The following PGPEP1 variants were observed in gnomAD, a reference collection of about 807,000 sequenced individuals.
PGPEP1 encodes pyroglutamyl-peptidase I, also known as pyroglutamyl-peptidase 1.
In PGPEP1, 15 loss-of-function variants were observed where a neutral mutation model predicts 24.1. The observed-to-expected ratio is 0.62, with a 90% CI of 0.42 to 0.96. The LOEUF (loss-of-function observed/expected upper bound fraction) is 0.96. Ranked by LOEUF, PGPEP1 falls within the 40% of genes least tolerant of loss-of-function variation. The probability of loss-of-function intolerance (pLI) is 0.00; values close to 1 mark genes in which losing one functional copy is unlikely to be tolerated. For missense variants in PGPEP1, 242 were observed against 273.4 expected (o/e 0.89, Z 0.81); for synonymous variants, 122 against 116.4 (o/e 1.05, Z -0.31).
chr19:18,348,250 C>T (rs1970916605), intron 2 of PGPEP1, among the ~76,000 whole-genome samples: 1 of 152,080 alleles, frequency 6.6e-6, no homozygotes, highest in Non-Finnish European at 1.5e-5. Context: ...TGTCTCTTGC[C>T]AAAGCTGGGT....
At chr19:18,343,473 G>T (rs2144525992) in intron 2 of PGPEP1, among the ~76,000 whole-genome samples, 1 of 152,256 alleles carries the variant, frequency 6.6e-6, no homozygotes, top group South Asian at 2.1e-4. Context: ...GCCCAGAGGA[G>T]GGATGAAGGG....
intron 4 of PGPEP1, among the ~76,000 whole-genome samples, chr19:18,362,552 C>T (rs1971372747): frequency 6.6e-6 from 1 of 151,678 alleles, no homozygotes; most frequent in Non-Finnish European, 1.5e-5. Context: ...ATGGTGAAAC[C>T]CTGTCTCTAC....
intron 4 of PGPEP1, chr19:18,361,843 T>A: frequency 2.0e-6 from 2 of 985,342 alleles, no homozygotes. Flanking sequence ...AAAGTCACAC[T>A]TACTGAGAAT....
chr19:18,357,663 C>G, intron 4 of PGPEP1, 48 bp downstream of exon 4: 1 of 1,357,808 alleles, frequency 7.4e-7, no homozygotes, highest in Non-Finnish European at 1.0e-6. Flanking sequence ...CTCCTCCACC[C>G]ACTGAGCCTG....
intron 2 of PGPEP1, among the ~76,000 whole-genome samples, chr19:18,350,288 G>T (rs1970983628): frequency 6.6e-6 from 1 of 151,674 alleles, no homozygotes; most frequent in African/African-American, 2.4e-5. Context: ...ACCTTCCAAA[G>T]TGCTGGGATT....
At chr19:18,351,802 C>G (rs1971033594) in intron 2 of PGPEP1, among the ~76,000 whole-genome samples, 1 of 151,796 alleles carries the variant, frequency 6.6e-6, no homozygotes, top group Admixed American at 6.6e-5. Context: ...TATGGGATTT[C>G]TCAGGTGTGT....
At chr19:18,344,108 A>G (rs1196494603) in intron 2 of PGPEP1, among the ~76,000 whole-genome samples, 3 of 152,066 alleles carry the variant, frequency 2.0e-5, no homozygotes. Context: ...ATGGTTCAGG[A>G]AGGACCAGGC....
chr19:18,358,253 CTTTTTTTTTTTTTTTTT>C (rs58979840), intron 4 of PGPEP1, among the ~76,000 whole-genome samples: 2 of 64,482 alleles, frequency 3.1e-5, no homozygotes, highest in East Asian at 9.1e-4. Context: ...TCCAGTATGA[CTTTTTTTTTTTTTTTTT>C]TTTTTTTGAG....
At chr19:18,350,213 C>T (rs908386696) in intron 2 of PGPEP1, among the ~76,000 whole-genome samples, 6 of 151,932 alleles carry the variant, frequency 3.9e-5, no homozygotes, top group African/African-American at 1.4e-4. Flanking sequence ...TTAGTAGAGA[C>T]GGGGTTTCAC....
Position 18,365,682 on chromosome 19 carries a change from C to G in PGPEP1, c.*2099C>G, listed in dbSNP as rs1248148527. The G allele has an allele frequency of 1.3e-5, 2 of 152,348 alleles. No individual in the cohort carries two copies. The highest frequency in any genetic ancestry group is 3.9e-4 in the East Asian group (2 of 5,194). The allele number at this position is 152,348 out of a possible 1,614,324, so 9.4% of individuals were successfully genotyped here. A position where few individuals can be genotyped will look rare whatever the true frequency, so the allele number is the denominator to read the frequency against. ...AAACAGCTGAGAGTTTTGTTTTCTT[C>G]AGCGTTCACCTTCCTTGTCTCCAGT... On this transcript the variant is annotated 3_prime_UTR_variant, in exon 5 of 5. Transcript: ENST00000269919.
At chr19:18,345,996 A>G (rs939098096) in intron 2 of PGPEP1, among the ~76,000 whole-genome samples, 1 of 132,718 alleles carries the variant, frequency 7.5e-6, no homozygotes, top group African/African-American at 2.9e-5. Context: ...TCAAAAAAAA[A>G]AAAGAAATTT....
intron 2 of PGPEP1, among the ~76,000 whole-genome samples, chr19:18,348,670 T>TA (rs1306714116): frequency 4.1e-4 from 63 of 152,178 alleles, no homozygotes; most frequent in Non-Finnish European, 7.6e-4. Context: ...GGCAGGTGGC[T>TA]CCCTGCCGTT....
At chr19:18,358,648 TC>T (rs1971259859) in intron 4 of PGPEP1, among the ~76,000 whole-genome samples, 1 of 151,890 alleles carries the variant, frequency 6.6e-6, no homozygotes, top group Non-Finnish European at 1.5e-5. Flanking sequence ...GGAGTTTTGC[TC>T]TTGTTGCCCA....
chr19:18,357,314 T>C (rs865843294), intron 3 of PGPEP1, 69 bp from the exon 4 acceptor site: 2 of 1,171,892 alleles, frequency 1.7e-6, no homozygotes, highest in Non-Finnish European at 2.5e-6. Context: ...GCCTTTTCCC[T>C]GGCCTCAGGG....
chr19:18,347,034 TTCTC>T (rs948050214), intron 2 of PGPEP1, among the ~76,000 whole-genome samples: 2 of 151,630 alleles, frequency 1.3e-5, no homozygotes, highest in Non-Finnish European at 2.9e-5. Context: ...CGTCCCTTCT[TTCTC>T]TCTCCGTTTC....
chr19:18,353,892 G>A (rs1971108400), intron 2 of PGPEP1, among the ~76,000 whole-genome samples: 1 of 152,094 alleles, frequency 6.6e-6, no homozygotes, highest in South Asian at 2.1e-4. Context: ...ATCTGTTGAT[G>A]GGCATTTGTG....
intron 3 of PGPEP1, among the ~76,000 whole-genome samples, chr19:18,357,032 C>A (rs1435296996): frequency 6.6e-6 from 1 of 152,210 alleles, no homozygotes; most frequent in African/African-American, 2.4e-5. Context: ...AGCAAGACTC[C>A]ATCTCAACAA....
At chr19:18,354,537 G>A (rs1971124530) in intron 2 of PGPEP1, among the ~76,000 whole-genome samples, 1 of 151,970 alleles carries the variant, frequency 6.6e-6, no homozygotes, top group Non-Finnish European at 1.5e-5. Context: ...CTGTTGCAGG[G>A]CACAGGGTCT....
Position 18,364,005 on chromosome 19 carries a change from C to T in PGPEP1, c.*422C>T, listed in dbSNP as rs1027056301. The T allele has an allele frequency of 6.5e-5, 11 of 169,158 alleles. No individual in the cohort carries two copies. The highest frequency in any genetic ancestry group is 5.1e-4 in the Admixed American group (9 of 17,542). The allele number at this position is 169,158 out of a possible 1,614,324, so 10.5% of individuals were successfully genotyped here. A position where few individuals can be genotyped will look rare whatever the true frequency, so the allele number is the denominator to read the frequency against. On this transcript the variant is annotated 3_prime_UTR_variant, in exon 5 of 5. Transcript: ENST00000269919. The stretch of plus-strand genomic sequence containing the variant: ...GCTTTTACCAAATTTAAAAGCCTCT[C>T]AATGCGTCCTCGACCTTGAACTGTG...
Sources: allele counts gnomAD v4.1 joint callset (sites outside exome capture counted in the v4.1 genomes callset), GRCh38; gene constraint gnomAD v4.1.1; transcripts MANE v1.5; gene names NCBI Gene and HGNC (gene_info 2026-07-23, HGNC 2026-07-21).